Variants in TBC1D32 observed in about 807,000 individuals in gnomAD.
The protein encoded by TBC1D32 is protein broad-minded.
In TBC1D32, 151 loss-of-function variants were observed where a neutral mutation model predicts 170.3. The ratio of observed to expected loss-of-function variants is 0.89; its 90% CI spans 0.78 to 1.01. The LOEUF is 1.01. TBC1D32 is among the 50% of genes least tolerant of loss of function. The pLI is 0.00. For missense variants in TBC1D32, 1,464 were observed against 1,457.1 expected (o/e 1.00, Z -0.08); for synonymous variants, 498 against 488.0 (o/e 1.02, Z -0.27).
intron 30 of TBC1D32, among the ~76,000 whole-genome samples, chr6:121,102,403 GGAACA>G (rs1480525981): frequency 7.2e-5 from 11 of 152,152 alleles, no homozygotes; most frequent in African/African-American, 2.2e-4. Context: ...ACAGACCAAT[GGAACA>G]GAACACAGCC....
chr6:121,105,309 AT>A (rs1432227887), intron 30 of TBC1D32, among the ~76,000 whole-genome samples: 2 of 151,994 alleles, frequency 1.3e-5, no homozygotes, highest in African/African-American at 4.8e-5. Flanking sequence ...CGTTAGGAGA[AT>A]AAAATCAAAT....
intron 21 of TBC1D32, among the ~76,000 whole-genome samples, chr6:121,218,788 C>T (rs1462599213): frequency 1.3e-5 from 2 of 152,008 alleles, no homozygotes; most frequent in Non-Finnish European, 1.5e-5. Flanking sequence ...GCAGTTACCC[C>T]CATGCTGTTT....
intron 9 of TBC1D32, 72 bp from the exon 10 acceptor site, chr6:121,299,577 C>G: frequency 7.3e-7 from 1 of 1,366,602 alleles, no homozygotes; most frequent in Non-Finnish European, 9.9e-7. Context: ...TGCATGATTT[C>G]TAATGACAAC....
intron 21 of TBC1D32, among the ~76,000 whole-genome samples, chr6:121,212,531 T>G (rs1002411077): frequency 6.7e-6 from 1 of 148,788 alleles, no homozygotes; most frequent in African/African-American, 2.5e-5. Context: ...CTCAGCTCAC[T>G]GCAATCTCTG....
intron 6 of TBC1D32, 34 bp downstream of exon 6, chr6:121,304,721 C>CA (rs751413929): frequency 2.1e-5 from 32 of 1,555,130 alleles, no homozygotes; most frequent in Admixed American, 1.8e-5. Context: ...ATGCAAATGA[C>CA]AAAAAACATT....
chr6:121,195,003 T>C (rs773769818), intron 22 of TBC1D32, among the ~76,000 whole-genome samples: 1 of 152,214 alleles, frequency 6.6e-6, no homozygotes, highest in Non-Finnish European at 1.5e-5. Context: ...GTCGAGATAT[T>C]ACTTCTAAAG....
chr6:121,332,717 A>C (rs1166800478), intron 1 of TBC1D32, among the ~76,000 whole-genome samples: 1 of 152,158 alleles, frequency 6.6e-6, no homozygotes, highest in Non-Finnish European at 1.5e-5. Context: ...TTAATCACCC[A>C]GCCTATATTT....
chr6:121,110,944 T>A (rs1020597090), intron 29 of TBC1D32, among the ~76,000 whole-genome samples: 7 of 152,138 alleles, frequency 4.6e-5, no homozygotes, highest in African/African-American at 1.7e-4. Context: ...TATTTGTAAT[T>A]GAAAAGAAAA....
chr6:121,105,817 G>A (rs910805270), intron 30 of TBC1D32, among the ~76,000 whole-genome samples: 2 of 151,982 alleles, frequency 1.3e-5, no homozygotes, highest in African/African-American at 4.8e-5. Flanking sequence ...GAAGGTCTAT[G>A]CCCTGAATAG....
chr6:121,265,954 T>C (rs1198572904), intron 15 of TBC1D32, among the ~76,000 whole-genome samples: 1 of 151,810 alleles, frequency 6.6e-6, no homozygotes, highest in Non-Finnish European at 1.5e-5. Flanking sequence ...AATGCAAAAC[T>C]CAAAACCATA....
Position 121,263,798 on chromosome 6 carries a change from C to A in TBC1D32, c.1734-7513G>T, listed in dbSNP as rs115314327. On this transcript the variant is annotated intron_variant, in intron 15 of 31. Coordinates refer to ENST00000398212, the MANE Select transcript of TBC1D32 (RefSeq NM_152730.6). The stretch of plus-strand genomic sequence containing the variant: ...ATTAAGAAACTCACCCAAAACCACA[C>A]AAATACATCAAAATTGAACAACCTG... Among the ~76,000 whole-genome samples the A allele has an allele frequency of 8.9e-3, 1,353 of 152,248 alleles. 25 individuals are homozygous for A. Among genetic ancestry groups the A allele is most frequent in the African/African-American group, 0.031 (1,278 of 41,534 alleles).
intron 12 of TBC1D32, among the ~76,000 whole-genome samples, chr6:121,290,909 C>A (rs558527928): frequency 3.3e-5 from 5 of 152,116 alleles, no homozygotes; most frequent in Admixed American, 1.3e-4. Flanking sequence ...GACAAAAAAA[C>A]CAAACACCAC....
intron 18 of TBC1D32, among the ~76,000 whole-genome samples, 193 bp from the exon 19 acceptor site, chr6:121,241,745 A>T (rs1237000356): frequency 6.6e-6 from 1 of 152,206 alleles, no homozygotes; most frequent in East Asian, 1.9e-4. Flanking sequence ...CAACTCAGTG[A>T]CCTTTGACCT....
At chr6:121,333,491 G>A (rs1811462305) in intron 1 of TBC1D32, among the ~76,000 whole-genome samples, 1 of 152,122 alleles carries the variant, frequency 6.6e-6, no homozygotes. Flanking sequence ...ACAAACTTAA[G>A]AAACTATTCC....
rs553802507 is a variant in TBC1D32 at position 121,206,118 on chromosome 6, G to A, written c.2482-955C>T. Among the ~76,000 whole-genome samples the A allele has an allele frequency of 2.1e-3, 312 of 151,676 alleles. 1 individual carries two copies. Among genetic ancestry groups the A allele is most frequent in the African/African-American group, 7.3e-3 (301 of 41,310 alleles). ...CCAGCTACTCGGGAGGCTGAGGCAG[G>A]AGAATTGCTTGAATCCAGGAGGCGG... On this transcript the variant is annotated intron_variant, in intron 21 of 31. Coordinates refer to ENST00000398212, the MANE Select transcript of TBC1D32 (RefSeq NM_152730.6).
chr6:121,182,822 T>C (rs1788702615), intron 22 of TBC1D32, among the ~76,000 whole-genome samples: 1 of 151,944 alleles, frequency 6.6e-6, no homozygotes, highest in Admixed American at 6.6e-5. Context: ...ATCAGGTATG[T>C]ATTTCACATA....
chr6:121,190,015 G>A (rs1330376174), intron 22 of TBC1D32, among the ~76,000 whole-genome samples: 14 of 150,618 alleles, frequency 9.3e-5, no homozygotes. Context: ...ACTGCAAAGA[G>A]GTAGATTTTA....
intron 18 of TBC1D32, 91 bp from the exon 19 acceptor site, chr6:121,241,643 C>G: frequency 9.7e-7 from 1 of 1,029,662 alleles, no homozygotes; most frequent in South Asian, 1.4e-5. Context: ...ACTGCAAAAA[C>G]AAACTCTGAA....
In TBC1D32 at chr6:121,303,750, T is replaced by C. The variant is rs557959718; in HGVS notation, c.947A>G (p.Glu316Gly). 4 of 1,547,028 alleles carry C rather than the reference T, an allele frequency of 2.6e-6. No individual in the cohort carries two copies. The South Asian group carries it at 5.0e-5, about 19-fold the overall frequency. ...WIRHPEKYME[E>G]IVESTLSLLT... is the part of the protein sequence containing the mutation. ...CAAGGACAAAGTACTCTCCACAATT[T>C]CTTCCATATACCTTAAAGTTTGGGA... The change falls in exon 9 of 32, where the codon GAA becomes GGA. Residue 316 changes from glutamate (E) to glycine (G), a missense_variant. Physicochemically the swap from Glu to Gly is moderately conservative, Grantham distance 98. Around this residue, in one of 3 missense-constraint regions of TBC1D32, gnomAD observed 1,363 missense variants for 1,338.1 expected, o/e 1.02. Transcript: ENST00000398212.
Sources: allele counts gnomAD v4.1 joint callset (sites outside exome capture counted in the v4.1 genomes callset), GRCh38; gene constraint gnomAD v4.1.1; regional missense constraint gnomAD v4.1.1; transcripts MANE v1.5; gene names NCBI Gene and HGNC (gene_info 2026-07-23, HGNC 2026-07-21).